DPP10: variants seen among roughly 807,000 people sequenced by gnomAD.
DPP10 encodes the protein dipeptidyl peptidase like 10.
Under a neutral mutation model 120.9 loss-of-function variants are expected in DPP10, and 33 were observed. That is an observed-to-expected ratio of 0.27 (90% CI 0.21 to 0.37). The LOEUF (loss-of-function observed/expected upper bound fraction) is 0.37. Among genes scored for constraint, DPP10 ranks in the 10% least tolerant of loss-of-function variants. DPP10 has a pLI of 1.00. For synonymous variants in DPP10, 337 were observed against 326.1 expected (o/e 1.03, Z -0.36); for missense variants, 816 against 942.8 (o/e 0.87, Z 1.76).
Position 115,791,104 on chromosome 2 carries a change from T to C in DPP10, c.1555T>C (p.Ser519Pro), listed in dbSNP as rs1444031783. The C allele has an allele frequency of 2.5e-6, 4 of 1,613,138 alleles. No homozygotes were observed. The highest frequency in any genetic ancestry group is 1.3e-5 in the African/African-American group (1 of 74,870). ...AGAATATTTTATATTGGAAAGCAAT[T>C]CTATGCTGAAGGAAGCTATCCTGAA... ...PAKYFILESNSMLKEAILKKK... is the reference protein window; with the variant it reads ...PAKYFILESNPMLKEAILKKK... The change falls in exon 18 of 26, where the codon TCT becomes CCT. Residue 519 changes from serine to proline, a missense_variant. Transcript: ENST00000410059.
intron 3 of DPP10, among the ~76,000 whole-genome samples, chr2:115,426,416 A>C (rs1180575750): frequency 2.5e-5 from 2 of 78,490 alleles, no homozygotes; most frequent in African/African-American, 1.1e-4. Flanking sequence ...TTTCAACATG[A>C]GATTCTCACC....
At chr2:115,102,205 A>T (rs2048722265) in intron 1 of DPP10, among the ~76,000 whole-genome samples, 1 of 152,136 alleles carries the variant, frequency 6.6e-6, no homozygotes. Flanking sequence ...CAGGGCAGAG[A>T]GAGTGATAGA....
At chr2:115,631,037 C>CTTTTTTTTTT (rs58468918) in intron 5 of DPP10, among the ~76,000 whole-genome samples, 9 of 111,352 alleles carry the variant, frequency 8.1e-5, no homozygotes, top group Middle Eastern at 4.4e-3. Context: ...TGATCCTGGG[C>CTTTTTTTTTT]TTTTTTTTTT....
chr2:115,415,861 A>ATATATATAT (rs2069365620), intron 3 of DPP10, among the ~76,000 whole-genome samples: 1 of 136,242 alleles, frequency 7.3e-6, no homozygotes, highest in South Asian at 2.3e-4. Flanking sequence ...ATATATATAT[A>ATATATATAT]TATATATATA....
chr2:114,461,804 T>G, intron 1 of DPP10: 1 of 985,400 alleles, frequency 1.0e-6, no homozygotes. Flanking sequence ...TATACACAAG[T>G]ACCTGGTACA....
intron 1 of DPP10, among the ~76,000 whole-genome samples, chr2:114,925,007 T>C (rs371981577): frequency 0.023 from 3,435 of 152,090 alleles, 116 homozygotes; most frequent in African/African-American, 0.071. Context: ...GTCAGGAGTT[T>C]GAGACCAGCC....
intron 1 of DPP10, among the ~76,000 whole-genome samples, chr2:114,842,909 T>G (rs1050974992): frequency 6.6e-6 from 1 of 151,996 alleles, no homozygotes; most frequent in African/African-American, 2.4e-5. Flanking sequence ...AACATCAGAC[T>G]AGGCTTTGAG....
intron 1 of DPP10, among the ~76,000 whole-genome samples, chr2:114,454,527 G>A (rs1024419629): frequency 1.4e-4 from 22 of 152,096 alleles, no homozygotes; most frequent in African/African-American, 1.4e-4. Flanking sequence ...TCAGGTTTCC[G>A]CCAGCTCTAA....
chr2:115,092,853 C>A (rs564942063), intron 1 of DPP10, among the ~76,000 whole-genome samples: 1 of 152,164 alleles, frequency 6.6e-6, no homozygotes, highest in Non-Finnish European at 1.5e-5. Context: ...TGTATTTTGT[C>A]GTTGCTGATA....
chr2:114,967,677 T>C (rs1175800723), intron 1 of DPP10, among the ~76,000 whole-genome samples: 1 of 152,172 alleles, frequency 6.6e-6, no homozygotes, highest in African/African-American at 2.4e-5. Context: ...CAGGGAGGTA[T>C]GTTTTCAAAG....
intron 5 of DPP10, among the ~76,000 whole-genome samples, chr2:115,645,975 G>A (rs533763014): frequency 2.0e-5 from 3 of 152,176 alleles, no homozygotes; most frequent in South Asian, 2.1e-4. Flanking sequence ...ATCATAAGGC[G>A]TTATGTTTTG....
At chr2:115,756,661 A>G (rs556091877) in intron 11 of DPP10, among the ~76,000 whole-genome samples, 18 of 152,306 alleles carry the variant, frequency 1.2e-4, no homozygotes, top group African/African-American at 3.1e-4. Flanking sequence ...GGTGGATTGC[A>G]TGATGGATTC....
At chr2:115,504,066 A>C (rs1315795215) in intron 4 of DPP10, among the ~76,000 whole-genome samples, 1 of 152,116 alleles carries the variant, frequency 6.6e-6, no homozygotes, top group Non-Finnish European at 1.5e-5. Flanking sequence ...CAGGTTCATT[A>C]GTTTCAGGTA....
At chr2:115,474,537 C>T (rs1476186696) in intron 3 of DPP10, among the ~76,000 whole-genome samples, 1 of 152,022 alleles carries the variant, frequency 6.6e-6, no homozygotes, top group East Asian at 1.9e-4. Context: ...GAACTTTGAA[C>T]TTAAGAGTGA....
chr2:114,888,434 A>T (rs915650504), intron 1 of DPP10, among the ~76,000 whole-genome samples: 1 of 152,202 alleles, frequency 6.6e-6, no homozygotes, highest in Non-Finnish European at 1.5e-5. Flanking sequence ...CTCAAAAAAA[A>T]GTTCACGAAT....
At chr2:115,181,187 A>G (rs1338605067) in intron 1 of DPP10, among the ~76,000 whole-genome samples, 2 of 152,230 alleles carry the variant, frequency 1.3e-5, no homozygotes, top group Non-Finnish European at 2.9e-5. Context: ...AAAATGAACA[A>G]CTTTCATTAT....
intron 1 of DPP10, among the ~76,000 whole-genome samples, chr2:115,252,949 A>G (rs1319477523): frequency 6.6e-6 from 1 of 152,246 alleles, no homozygotes; most frequent in Non-Finnish European, 1.5e-5. Context: ...ATATGAATAT[A>G]CAGAATCTCA....
At chr2:115,167,413 C>A (rs568447060) in intron 1 of DPP10, among the ~76,000 whole-genome samples, 3 of 131,344 alleles carry the variant, frequency 2.3e-5, no homozygotes, top group African/African-American at 7.6e-5. Context: ...AACAAACAAA[C>A]AAAAAACAAA....
intron 1 of DPP10, among the ~76,000 whole-genome samples, chr2:114,958,416 G>A (rs766626869): frequency 1.3e-5 from 2 of 151,904 alleles, no homozygotes; most frequent in Non-Finnish European, 2.9e-5. Context: ...CACTTTAACG[G>A]GTACAAAGTT....
Sources: gnomAD v4.1 joint callset for allele counts (sites outside exome capture counted in the v4.1 genomes callset) on GRCh38, gnomAD v4.1.1 for gene constraint, MANE v1.5 for transcripts, NCBI Gene and HGNC (gene_info 2026-07-23, HGNC 2026-07-21) for gene names.